The following MARCHF7 variants were observed in gnomAD, a reference collection of about 807,000 sequenced individuals.
MARCHF7 encodes the protein membrane associated ring-CH-type finger 7, also known as E3 ubiquitin-protein ligase MARCHF7.
A neutral mutation model predicts 76.5 loss-of-function variants in MARCHF7; 20 were observed. The ratio of observed to expected loss-of-function variants is 0.26; its 90% CI spans 0.18 to 0.38. MARCHF7 has a LOEUF of 0.38. MARCHF7 is among the 10% of genes least tolerant of loss of function. The pLI is 1.00. For missense variants in MARCHF7, 797 were observed against 812.9 expected, an observed-to-expected ratio of 0.98 and a Z score of 0.24; for synonymous variants, 295 against 293.0, an observed-to-expected ratio of 1.01 and a Z score of -0.07.
intron 9 of MARCHF7, among the ~76,000 whole-genome samples, chr2:159,760,459 T>C (rs1706893762): frequency 6.6e-6 from 1 of 152,232 alleles, no homozygotes; most frequent in African/African-American, 2.4e-5. Flanking sequence ...TATTCTCTGA[T>C]GCACTAGTTG....
At chr2:159,758,764 T>C (rs1366752598) in intron 8 of MARCHF7, among the ~76,000 whole-genome samples, 1 of 152,230 alleles carries the variant, frequency 6.6e-6, no homozygotes, top group African/African-American at 2.4e-5. Context: ...ACATATTCCT[T>C]AAACTCCAAA....
chr2:159,756,982 T>G (rs1706408831), intron 8 of MARCHF7, among the ~76,000 whole-genome samples: 1 of 152,160 alleles, frequency 6.6e-6, no homozygotes, highest in Admixed American at 6.5e-5. Flanking sequence ...AACCTCTGCC[T>G]CCCGAGTTCT....
At chr2:159,756,579 C>T (rs1355242125) in intron 8 of MARCHF7, among the ~76,000 whole-genome samples, 8 of 148,886 alleles carry the variant, frequency 5.4e-5, no homozygotes, top group South Asian at 2.2e-4. Flanking sequence ...CCCAGCTACT[C>T]GGGAGGCTGA....
At chr2:159,762,792 T>TAGTGTGTGAGTATCA (rs1236094661) in intron 9 of MARCHF7, 88 bp from the exon 10 acceptor site, 6 of 611,480 alleles carry the variant, frequency 9.8e-6, no homozygotes, top group Non-Finnish European at 1.4e-5. Context: ...TCCTCTAGTT[T>TAGTGTGTGAGTATCA]ATCAGTGTAC....
intron 7 of MARCHF7, 102 bp from the exon 8 acceptor site, chr2:159,752,300 G>T: frequency 9.2e-7 from 1 of 1,086,684 alleles, no homozygotes; most frequent in Admixed American, 3.5e-5. Context: ...CAGAGACAGT[G>T]TGAGTAGAAA....
intron 11 of MARCHF7, 123 bp downstream of exon 11, chr2:159,764,797 A>G: frequency 1.8e-6 from 1 of 541,500 alleles, no homozygotes; most frequent in Non-Finnish European, 3.1e-6. Flanking sequence ...TAGTAATACC[A>G]AAATGATTGA....
At chr2:159,732,902 T>A (rs1422164594) in intron 4 of MARCHF7, 2 of 985,264 alleles carry the variant, frequency 2.0e-6, no homozygotes, top group South Asian at 9.4e-5. Context: ...TACAGCCACA[T>A]CTATATGTGA....
At position 159,770,886 on chromosome 2, in the gene MARCHF7, AT is replaced by A; in HGVS notation, c.*3546del. 6.6e-6 allele frequency: 1 copy of A among 152,146 alleles called. No individual in the cohort carries two copies. The highest frequency in any genetic ancestry group is 1.5e-5 in the Non-Finnish European group (1 of 68,004). The allele number at this position is 152,146 out of a possible 1,614,324, so 9.4% of individuals were successfully genotyped here. A position where few individuals can be genotyped will look rare whatever the true frequency, so the allele number is the denominator to read the frequency against. On this transcript the variant is annotated 3_prime_UTR_variant, in exon 12 of 12. Transcript: ENST00000409175. ...TGACTAATTTACGTGAAATTTATAC[AT>A]TCTTTATCTTTCCTGTTTTTGGTTT... is the stretch of plus-strand genomic sequence containing the variant.
chr2:159,767,208 T>C, intron 11 of MARCHF7, 76 bp from the exon 12 acceptor site: 4 of 1,035,270 alleles, frequency 3.9e-6, no homozygotes, highest in Non-Finnish European at 4.5e-6. Flanking sequence ...GTCATTGCTG[T>C]TCTGGCTTCA....
At chr2:159,721,772 C>T (rs1366409603) in intron 3 of MARCHF7, among the ~76,000 whole-genome samples, 1 of 152,170 alleles carries the variant, frequency 6.6e-6, no homozygotes, top group Non-Finnish European at 1.5e-5. Context: ...ATGACTGGGA[C>T]TTCAGTGAGG....
chr2:159,748,336 G>T lies in MARCHF7; in HGVS notation c.1046G>T (p.Arg349Leu). The change falls in exon 7 of 12, where the codon CGA (arginine) becomes CTA (leucine). Residue 349 changes from arginine (R) to leucine (L), a missense_variant. This residue lies in a region of MARCHF7 where 643 missense variants were observed against 631.5 expected (regional missense o/e 1.02). Transcript: ENST00000409175. ...NRASEASQGF[R>L]FLRRRWGLSS... Reference sequence around the variant, plus strand: ...GCATCTGAAGCTTCTCAGGGATTTCGATTTCTTAGGCGAAGATGGGGTTTG... The same window carrying T: ...GCATCTGAAGCTTCTCAGGGATTTCTATTTCTTAGGCGAAGATGGGGTTTG... 6.2e-7 allele frequency: 1 copy of T among 1,613,540 alleles called. No individual in the cohort carries two copies. Among genetic ancestry groups the T allele is most frequent in the Non-Finnish European group, 8.5e-7 (1 of 1,179,942 alleles).
In MARCHF7 at chr2:159,756,012, T is replaced by C. The variant is rs561954563; in HGVS notation, c.1784-3214T>C. ...CAAGCTGTCTCACCTGGAACTGCCT[T>C]TTCTCTGAGCTATATGGTGTTACAG... On this transcript the variant is annotated intron_variant, in intron 8 of 11. Coordinates refer to ENST00000409175, the MANE Select transcript of MARCHF7 (RefSeq NM_001282805.2). Among the ~76,000 whole-genome samples the C allele has an allele frequency of 9.2e-5, 14 of 152,298 alleles. 1 individual carries two copies. The South Asian group carries it at 2.9e-3, about 32-fold the overall frequency.
At chr2:159,728,933 G>C in intron 3 of MARCHF7, 76 bp from the exon 4 acceptor site, 2 of 805,118 alleles carry the variant, frequency 2.5e-6, no homozygotes, top group Non-Finnish European at 3.6e-6. Context: ...TATTTGAGCT[G>C]ATGATTAAGG....
intron 4 of MARCHF7, among the ~76,000 whole-genome samples, chr2:159,732,290 G>T (rs564051385): frequency 9.7e-4 from 148 of 152,084 alleles, no homozygotes; most frequent in Non-Finnish European, 1.5e-3. Flanking sequence ...AAACCAAGTA[G>T]AATTTTTAAA....
Position 159,748,520 on chromosome 2 carries a change from A to G in MARCHF7, c.1230A>G (p.Ser410=). The G allele has an allele frequency of 3.1e-6, 5 of 1,614,120 alleles. No individual in the cohort carries two copies. Among genetic ancestry groups the G allele is most frequent in the South Asian group, 1.1e-5 (1 of 91,072 alleles). ...RRRREGRDES[S]RIPTSDTSSR... ...GGCGAGAGGGAAGAGATGAATCTTC[A>G]AGGATACCTACCTCTGATACATCAT... Residue 410 remains serine (S), a synonymous_variant, in exon 7 of 12, where the codon TCA becomes TCG. Coordinates refer to ENST00000409175, the MANE Select transcript of MARCHF7 (RefSeq NM_001282805.2).
rs750777848 is a variant in MARCHF7, at chr2:159,759,212, T to G, written c.1784-14T>G. On this transcript the variant is annotated splice_polypyrimidine_tract_variant and intron_variant, in intron 8 of 11. Transcript: ENST00000409175. Reference sequence around the variant, plus strand: ...TATAAAACTAAGCTTTATTTGTAATTTAATTTTTACCAGGTTCTTCATTAG... The same window carrying G: ...TATAAAACTAAGCTTTATTTGTAATGTAATTTTTACCAGGTTCTTCATTAG... The G allele has an allele frequency of 1.4e-6, 2 of 1,449,836 alleles. No individual in the cohort carries two copies. The highest frequency in any genetic ancestry group is 1.9e-6 in the Non-Finnish European group (2 of 1,044,836). The allele number at this position is 1,449,836 out of a possible 1,614,324, so 89.8% of individuals were successfully genotyped here.
chr2:159,743,160 C>T lies in MARCHF7; in HGVS notation c.253C>T (p.Arg85Trp), dbSNP rs149764354. Residue 85 changes from arginine (R) to tryptophan (W), a missense_variant, in exon 5 of 12, where the codon CGG (arginine) becomes TGG (tryptophan). Transcript: ENST00000409175. ...GARSRSQNQQ[R>W]DHDSKRPKLS... is the part of the protein sequence containing the mutation. ...ACGCTCAAGATCGCAGAACCAGCAACGGGATCATGATTCAAAAAGACCTAA... is the reference window on the plus strand; with the variant it reads ...ACGCTCAAGATCGCAGAACCAGCAATGGGATCATGATTCAAAAAGACCTAA... The T allele has an allele frequency of 8.1e-6, 13 of 1,614,010 alleles. No individual in the cohort carries two copies. Among genetic ancestry groups the T allele is most frequent in the African/African-American group, 1.3e-5 (1 of 74,922 alleles).
Position 159,748,959 on chromosome 2 carries a change from C to T in MARCHF7, c.1613+56C>T, listed in dbSNP as rs114206040. ...AATCAAAAATAGAGAAAGAACTCTTCATTTCTTTTTTTTCTTTTCTTTTTT... is the reference window on the plus strand; with the variant it reads ...AATCAAAAATAGAGAAAGAACTCTTTATTTCTTTTTTTTCTTTTCTTTTTT... On this transcript the variant is annotated intron_variant, in intron 7 of 11. Coordinates refer to ENST00000409175, the MANE Select transcript of MARCHF7 (RefSeq NM_001282805.2). The T allele has an allele frequency of 1.1e-3, 1,109 of 989,704 alleles. 11 individuals carry two copies. The African/African-American group carries it at 0.018, about 16-fold the overall frequency. 61.3% of individuals were successfully genotyped at this position (989,704 alleles called of 1,614,324 possible). A position where few individuals can be genotyped will look rare whatever the true frequency, so the allele number is the denominator to read the frequency against.
chr2:159,731,985 T>C (rs2125429796), intron 4 of MARCHF7, among the ~76,000 whole-genome samples: 1 of 151,844 alleles, frequency 6.6e-6, no homozygotes, highest in Non-Finnish European at 1.5e-5. Context: ...GCGCCTGTAG[T>C]CCCAGCTACT....
Sources: allele counts gnomAD v4.1 joint callset (sites outside exome capture counted in the v4.1 genomes callset), GRCh38; gene constraint gnomAD v4.1.1; regional missense constraint gnomAD v4.1.1; transcripts MANE v1.5; gene names NCBI Gene and HGNC (gene_info 2026-07-23, HGNC 2026-07-21).